The following ADGRL3 variants were observed in gnomAD, a reference collection of about 807,000 sequenced individuals.
ADGRL3 encodes the protein adhesion G protein-coupled receptor L3, also known as calcium-independent alpha-latrotoxin receptor 3.
Under a neutral mutation model 153.5 loss-of-function variants are expected in ADGRL3, and 62 were observed. That is an observed-to-expected ratio of 0.40 (90% CI 0.33 to 0.50). The LOEUF (loss-of-function observed/expected upper bound fraction) is 0.50, where lower values mean the gene tolerates loss of function less well. Among genes scored for constraint, ADGRL3 ranks in the 20% least tolerant of loss-of-function variants. The pLI, the probability that ADGRL3 is intolerant of heterozygous loss-of-function variation, is 0.47. For missense variants in ADGRL3, 1,641 were observed against 1,859.4 expected (o/e 0.88, Z 2.16); for synonymous variants, 710 against 672.5 (o/e 1.06, Z -0.86).
rs370868190 is a variant in ADGRL3 at position 61,779,194 on chromosome 4, A to G, written c.1400-34615A>G. On this transcript the variant is annotated intron_variant, in intron 8 of 26. Transcript: ENST00000683033. ...TTTGGTAAATTAGAAGTGTCCTATC[A>G]TATTCATTTGTATAATCAAACCTAT... Among the ~76,000 whole-genome samples the G allele has an allele frequency of 8.5e-5, 13 of 152,284 alleles. 2 individuals are homozygous for G. The highest frequency in any genetic ancestry group is 2.9e-4 in the African/African-American group (12 of 41,558).
Position 61,936,022 on chromosome 4 carries a change from C to T in ADGRL3, c.2396C>T (p.Thr799Ile). The T allele has an allele frequency of 1.2e-6, 2 of 1,610,946 alleles. No individual in the cohort carries two copies. The highest frequency in any genetic ancestry group is 1.1e-5 in the South Asian group (1 of 90,374). ...AGCACTATCCAGCTGTCTGCAAATACCTTAAAGCAAAATGGCCGAAATGGT... is the reference window on the plus strand; with the variant it reads ...AGCACTATCCAGCTGTCTGCAAATATCTTAAAGCAAAATGGCCGAAATGGT... ...HGSTIQLSAN[T>I]LKQNGRNGEI... Residue 799 changes from threonine to isoleucine, a missense_variant, in exon 15 of 27, where the codon ACC becomes ATC. By Grantham distance (89) the Thr-to-Ile change is moderately conservative. Around this residue, in one of 5 missense-constraint regions of ADGRL3, gnomAD observed 734 missense variants for 797.0 expected, o/e 0.92. Coordinates refer to ENST00000683033, the MANE Select transcript of ADGRL3 (RefSeq NM_001387552.1).
chr4:61,812,484 C>T (rs938748622), intron 8 of ADGRL3, among the ~76,000 whole-genome samples: 3 of 152,160 alleles, frequency 2.0e-5, no homozygotes, highest in African/African-American at 7.2e-5. Context: ...CATTAACTTT[C>T]CTTGTTTAGG....
chr4:61,733,875 G>A (rs1005686260), intron 8 of ADGRL3, among the ~76,000 whole-genome samples: 5 of 152,266 alleles, frequency 3.3e-5, no homozygotes, highest in Non-Finnish European at 5.9e-5. Flanking sequence ...AGAACAGCCC[G>A]TCTAAACAGC....
intron 1 of ADGRL3, among the ~76,000 whole-genome samples, chr4:61,322,881 T>G (rs1464401644): frequency 1.3e-5 from 2 of 152,178 alleles, no homozygotes; most frequent in Non-Finnish European, 2.9e-5. Context: ...CTCCACTAGG[T>G]GGTGCCCCAG....
At chr4:62,023,496 C>G (rs569093103) in intron 21 of ADGRL3, among the ~76,000 whole-genome samples, 2 of 152,178 alleles carry the variant, frequency 1.3e-5, no homozygotes, top group South Asian at 2.1e-4. Context: ...TAAAATGCAA[C>G]CAAACTGCAT....
intron 21 of ADGRL3, among the ~76,000 whole-genome samples, chr4:62,011,289 C>T (rs1158561742): frequency 6.6e-6 from 1 of 151,988 alleles, no homozygotes; most frequent in Non-Finnish European, 1.5e-5. Context: ...TCAAGGAACA[C>T]AATTAAACTT....
At chr4:61,978,044 G>C (rs1455776793) in intron 17 of ADGRL3, among the ~76,000 whole-genome samples, 1 of 152,082 alleles carries the variant, frequency 6.6e-6, no homozygotes, top group Non-Finnish European at 1.5e-5. Flanking sequence ...AGAACATGCA[G>C]TATTTGGAAA....
chr4:61,285,201 A>C (rs2150054263), intron 1 of ADGRL3, among the ~76,000 whole-genome samples: 1 of 151,998 alleles, frequency 6.6e-6, no homozygotes, highest in South Asian at 2.1e-4. Flanking sequence ...TTACAGTAAA[A>C]GTTTTTACCA....
At chr4:61,334,385 A>C (rs186792781) in intron 1 of ADGRL3, among the ~76,000 whole-genome samples, 1 of 152,174 alleles carries the variant, frequency 6.6e-6, no homozygotes, top group Non-Finnish European at 1.5e-5. Context: ...AACTCTGACG[A>C]TTCAGTGCGG....
intron 5 of ADGRL3, among the ~76,000 whole-genome samples, chr4:61,589,636 TATG>T (rs1405036635): frequency 7.2e-5 from 11 of 152,066 alleles, no homozygotes; most frequent in Admixed American, 2.0e-4. Context: ...AAGCATGTCT[TATG>T]AAGGATTATT....
At chr4:61,640,946 C>G (rs148437383) in intron 5 of ADGRL3, among the ~76,000 whole-genome samples, 1 of 152,190 alleles carries the variant, frequency 6.6e-6, no homozygotes, top group African/African-American at 2.4e-5. Flanking sequence ...ATACATTTTT[C>G]AAAGTTTTTT....
At chr4:61,482,564 A>G (rs1448452235) in intron 2 of ADGRL3, among the ~76,000 whole-genome samples, 1 of 152,206 alleles carries the variant, frequency 6.6e-6, no homozygotes, top group Non-Finnish European at 1.5e-5. Context: ...CTGAACAAAG[A>G]AATGATTTAT....
intron 2 of ADGRL3, among the ~76,000 whole-genome samples, chr4:61,409,597 T>A (rs1043548990): frequency 1.3e-5 from 2 of 151,298 alleles, no homozygotes; most frequent in Non-Finnish European, 3.0e-5. Flanking sequence ...GAAAGCCTAA[T>A]TGTGTAGAGG....
chr4:61,836,702 CTGTATT>C (rs1311627951), intron 9 of ADGRL3, among the ~76,000 whole-genome samples: 1 of 151,908 alleles, frequency 6.6e-6, no homozygotes, highest in Non-Finnish European at 1.5e-5. Context: ...TTTAAAATGA[CTGTATT>C]TGTCATGAAA....
chr4:61,315,962 T>G (rs913546287), intron 1 of ADGRL3, among the ~76,000 whole-genome samples: 5 of 152,184 alleles, frequency 3.3e-5, no homozygotes, highest in African/African-American at 1.2e-4. Context: ...ACCTACTATG[T>G]CCCAAGACTG....
chr4:61,623,091 A>G (rs1275025475), intron 5 of ADGRL3, among the ~76,000 whole-genome samples: 1 of 152,128 alleles, frequency 6.6e-6, no homozygotes, highest in Admixed American at 6.6e-5. Context: ...CTTTATAACC[A>G]AGCATTAATC....
At chr4:61,517,560 C>A (rs932301667) in intron 4 of ADGRL3, 42 bp downstream of exon 4, 3 of 695,728 alleles carry the variant, frequency 4.3e-6, no homozygotes, top group Non-Finnish European at 7.9e-6. Context: ...GGTGGCTGGG[C>A]AGGGGCTCCT....
chr4:61,330,855 T>C (rs1276809909), intron 1 of ADGRL3, among the ~76,000 whole-genome samples: 5 of 152,162 alleles, frequency 3.3e-5, no homozygotes, highest in Non-Finnish European at 5.9e-5. Flanking sequence ...TACAGAGTGC[T>C]GATTGGTGCA....
At position 62,075,904 on chromosome 4, in the gene ADGRL3, A is replaced by G. The variant is rs1746989140; in HGVS notation, c.*4996A>G. On this transcript the variant is annotated 3_prime_UTR_variant, in exon 27 of 27. Transcript: ENST00000683033. ...TCATTTGTAGGCTAGCAGAACTTAAATGTGTTGGTAGTTGCTTCTTTCCTG... is the reference window on the plus strand; with the variant it reads ...TCATTTGTAGGCTAGCAGAACTTAAGTGTGTTGGTAGTTGCTTCTTTCCTG... 1 of 152,172 alleles carries G rather than the reference A, an allele frequency of 6.6e-6. No individual in the cohort carries two copies. Among genetic ancestry groups the G allele is most frequent in the African/African-American group, 2.4e-5 (1 of 41,462 alleles). The allele number at this position is 152,172 out of a possible 1,614,324, so 9.4% of individuals were successfully genotyped here.
Sources: allele counts gnomAD v4.1 joint callset (sites outside exome capture counted in the v4.1 genomes callset), GRCh38; gene constraint gnomAD v4.1.1; regional missense constraint gnomAD v4.1.1; transcripts MANE v1.5; gene names NCBI Gene and HGNC (gene_info 2026-07-23, HGNC 2026-07-21).